The following UBAP2L variants were observed in gnomAD, a reference collection of about 807,000 sequenced individuals.
UBAP2L encodes ubiquitin-associated protein 2-like.
In UBAP2L, 12 loss-of-function variants were observed where a neutral mutation model predicts 130.6. The ratio of observed to expected loss-of-function variants is 0.09; its 90% confidence interval spans 0.06 to 0.15. UBAP2L has a LOEUF of 0.15. UBAP2L is among the 10% of genes least tolerant of loss of function. The pLI is 1.00. For missense variants in UBAP2L, 965 were observed against 1,332.5 expected, an observed-to-expected ratio of 0.72 and a Z score of 4.29; for synonymous variants, 503 against 524.7, an observed-to-expected ratio of 0.96 and a Z score of 0.57.
In UBAP2L at chr1:154,257,263, C is replaced by G. The variant is rs1248492562; in HGVS notation, c.2353+5C>G. On this transcript the variant is annotated splice_donor_5th_base_variant and intron_variant, in intron 19 of 26. Transcript: ENST00000428931. ...GCTCAGTTGCTACGACTTCAGGTAG[C>G]CTTGCATAAGCAGATGGCATTCCTC... The G allele has an allele frequency of 6.2e-7, 1 of 1,614,150 alleles. No individual in the cohort carries two copies. Among genetic ancestry groups the G allele is most frequent in the Admixed American group, 1.7e-5 (1 of 60,024 alleles).
At chr1:154,228,586 CATG>C (rs1413575590) in intron 3 of UBAP2L, 26 bp from the exon 4 acceptor site, 1 of 1,543,082 alleles carries the variant, frequency 6.5e-7, no homozygotes, top group Non-Finnish European at 9.0e-7. Context: ...TAAGCCTGTT[CATG>C]ATGGTTGCTG....
chr1:154,236,186 G>C lies in UBAP2L; in HGVS notation c.545-380G>C, dbSNP rs1571695917. 2.0e-5 allele frequency among the ~76,000 whole-genome samples: 3 copies of C among 152,108 alleles called. No homozygotes were observed. The South Asian group carries it at 6.2e-4, about 32-fold the overall frequency. On this transcript the variant is annotated intron_variant, in intron 6 of 26. Transcript: ENST00000428931. ...ATCAACCACTTTTTATTCCAGAGCT[G>C]CCTCAGCTGGCAGGGTAGTTTTTTG...
intron 8 of UBAP2L, among the ~76,000 whole-genome samples, chr1:154,240,507 T>G (rs1673173245): frequency 6.6e-6 from 1 of 152,176 alleles, no homozygotes; most frequent in South Asian, 2.1e-4. Context: ...TGAGTAAGGT[T>G]AGGACAGTAA....
intron 3 of UBAP2L, 125 bp downstream of exon 3, chr1:154,227,484 A>T: frequency 1.3e-6 from 1 of 788,424 alleles, no homozygotes; most frequent in Non-Finnish European, 2.1e-6. Context: ...TTGACCTGAA[A>T]TATAATAGGT....
chr1:154,263,323 C>A, intron 24 of UBAP2L: 1 of 1,426,654 alleles, frequency 7.0e-7, no homozygotes, highest in South Asian at 1.6e-5. Context: ...TGCCCCTCCC[C>A]CATTTCCCTC....
intron 24 of UBAP2L, among the ~76,000 whole-genome samples, chr1:154,262,914 G>A (rs1196700907): frequency 1.3e-5 from 2 of 152,002 alleles, no homozygotes. Context: ...CCAGGTTCAC[G>A]AATTTTAAGA....
chr1:154,223,699 T>A (rs1320063852), intron 1 of UBAP2L, among the ~76,000 whole-genome samples: 4 of 152,166 alleles, frequency 2.6e-5, no homozygotes, highest in Admixed American at 2.6e-4. Context: ...AAAAAATCTT[T>A]CTTGATACAA....
chr1:154,221,126 G>A (rs923564120), intron 1 of UBAP2L, 151 bp downstream of exon 1: 1 of 153,262 alleles, frequency 6.5e-6, no homozygotes, highest in African/African-American at 2.5e-5. Context: ...CCCTCCCTCG[G>A]TAGGCCCCCC....
chr1:154,246,125 G>T, intron 10 of UBAP2L, 79 bp from the exon 11 acceptor site: 9 of 1,479,872 alleles, frequency 6.1e-6, no homozygotes, highest in South Asian at 1.3e-5. Context: ...GCTTCATTTT[G>T]ATCTAATCTG....
At chr1:154,220,345 G>A (rs1489406093), upstream of UBAP2L, 2 of 1,614,182 alleles carry the variant, frequency 1.2e-6, no homozygotes, top group Non-Finnish European at 1.7e-6. Context: ...TCCTCACCAG[G>A]CTCCCGTAGG....
chr1:154,225,018 C>A, intron 1 of UBAP2L, 66 bp from the exon 2 acceptor site: 1 of 979,910 alleles, frequency 1.0e-6, no homozygotes, highest in Non-Finnish European at 1.6e-6. Context: ...GGTGAAGGTG[C>A]TGATGAGAGA....
intron 11 of UBAP2L, among the ~76,000 whole-genome samples, chr1:154,247,401 A>G (rs1416196691): frequency 6.6e-6 from 1 of 152,210 alleles, no homozygotes; most frequent in Non-Finnish European, 1.5e-5. Flanking sequence ...AAAAGAAGAA[A>G]GAAAATAGGA....
intron 16 of UBAP2L, 68 bp from the exon 17 acceptor site, chr1:154,255,084 T>C (rs1008363341): frequency 6.4e-7 from 1 of 1,557,670 alleles, no homozygotes; most frequent in Admixed American, 1.8e-5. Context: ...TGCCTTGGAC[T>C]GTGGTCACCT....
chr1:154,248,030 C>T (rs1245051326), intron 11 of UBAP2L, among the ~76,000 whole-genome samples: 7 of 151,428 alleles, frequency 4.6e-5, no homozygotes, highest in Non-Finnish European at 8.8e-5. Flanking sequence ...TGCAATGGCG[C>T]GATCTTGGCT....
At chr1:154,220,442 AC>A (rs1356822312), upstream of UBAP2L, 4 of 1,613,428 alleles carry the variant, frequency 2.5e-6, no homozygotes, top group Non-Finnish European at 3.4e-6. Context: ...GTTCGGGTTT[AC>A]CCCGCTGTCC....
At chr1:154,266,937 T>G (rs1683402142) in intron 25 of UBAP2L, among the ~76,000 whole-genome samples, 1 of 152,052 alleles carries the variant, frequency 6.6e-6, no homozygotes, top group Non-Finnish European at 1.5e-5. Context: ...TTTGAGTAAA[T>G]CTATAACAGT....
chr1:154,247,200 G>A (rs1306573685), intron 11 of UBAP2L, among the ~76,000 whole-genome samples: 1 of 152,146 alleles, frequency 6.6e-6, no homozygotes, highest in Non-Finnish European at 1.5e-5. Context: ...AGAGTAATTA[G>A]TTTAACTAGA....
intron 9 of UBAP2L, chr1:154,241,921 G>A (rs1433883737): frequency 4.1e-6 from 1 of 241,052 alleles, no homozygotes; most frequent in Non-Finnish European, 6.7e-6. Flanking sequence ...ATGACTACTT[G>A]GTGCATTTAA....
chr1:154,251,752 G>GC, intron 14 of UBAP2L, 99 bp downstream of exon 14: 16 of 1,366,372 alleles, frequency 1.2e-5, no homozygotes, highest in Non-Finnish European at 1.5e-5. Flanking sequence ...AAGCCCCTCT[G>GC]CATGGCTGAG....
Sources: allele counts gnomAD v4.1 joint callset (sites outside exome capture counted in the v4.1 genomes callset), GRCh38; gene constraint gnomAD v4.1.1; transcripts MANE v1.5; gene names NCBI Gene and HGNC (gene_info 2026-07-23, HGNC 2026-07-21).